Variants in SUCLG2 observed in about 807,000 individuals in gnomAD.
SUCLG2 encodes succinate--CoA ligase [GDP-forming] subunit beta, mitochondrial.
Under a neutral mutation model 47.9 loss-of-function variants are expected in SUCLG2, and 42 were observed. That is an observed-to-expected ratio of 0.88 (90% CI 0.69 to 1.14). SUCLG2 has a LOEUF of 1.14. Ranked by LOEUF, SUCLG2 falls within the 50% of genes most tolerant of loss-of-function variation. The probability of loss-of-function intolerance (pLI) is 0.00; values close to 1 mark genes in which losing one functional copy is unlikely to be tolerated. For missense variants in SUCLG2, 571 were observed against 525.9 expected, an observed-to-expected ratio of 1.09 and a Z score of -0.84; for synonymous variants, 195 against 197.3, an observed-to-expected ratio of 0.99 and a Z score of 0.10.
At chr3:67,524,277 G>C (rs1400692650) in intron 4 of SUCLG2, among the ~76,000 whole-genome samples, 1 of 152,194 alleles carries the variant, frequency 6.6e-6, no homozygotes, top group Non-Finnish European at 1.5e-5. Context: ...GAGTCCACCA[G>C]TATAGAAAGC....
chr3:67,615,670 T>A (rs527483544), intron 1 of SUCLG2, among the ~76,000 whole-genome samples: 25 of 146,254 alleles, frequency 1.7e-4, no homozygotes, highest in Non-Finnish European at 3.4e-4. Context: ...ATGCTATTGT[T>A]GTTGAAGGTC....
intron 2 of SUCLG2, 25 bp downstream of exon 2, chr3:67,609,430 T>C: frequency 1.2e-6 from 2 of 1,604,642 alleles, no homozygotes; most frequent in Non-Finnish European, 1.7e-6. Context: ...GGCAAGTGTA[T>C]TTCACCCATT....
intron 9 of SUCLG2, among the ~76,000 whole-genome samples, chr3:67,439,171 T>C (rs1266079517): frequency 6.6e-6 from 1 of 152,212 alleles, no homozygotes; most frequent in South Asian, 2.1e-4. Flanking sequence ...GAAAAGACCT[T>C]TGATAAAATT....
intron 10 of SUCLG2, among the ~76,000 whole-genome samples, chr3:67,390,573 G>A (rs1208300297): frequency 2.0e-5 from 3 of 151,974 alleles, no homozygotes; most frequent in Non-Finnish European, 4.4e-5. Flanking sequence ...GAAATGAACA[G>A]CTACATATTT....
chr3:67,505,044 T>A (rs1705598668), intron 7 of SUCLG2, among the ~76,000 whole-genome samples: 1 of 152,222 alleles, frequency 6.6e-6, no homozygotes, highest in African/African-American at 2.4e-5. Context: ...TGTCCCTTCT[T>A]CCATTAAGAA....
intron 9 of SUCLG2, among the ~76,000 whole-genome samples, chr3:67,402,009 G>A (rs913175853): frequency 2.0e-5 from 3 of 152,184 alleles, no homozygotes; most frequent in African/African-American, 7.2e-5. Context: ...GGCGCATTGG[G>A]GCATGTTGTC....
intron 9 of SUCLG2, among the ~76,000 whole-genome samples, chr3:67,432,703 T>C (rs574033159): frequency 1.3e-5 from 2 of 152,300 alleles, no homozygotes; most frequent in South Asian, 4.1e-4. Flanking sequence ...CCTCCAGTTG[T>C]TACCATATGC....
At position 67,451,072 on chromosome 3, in the gene SUCLG2, T is replaced by C. The variant is rs571005073; in HGVS notation, c.1062+44726A>G. ...CTTCCTTCCTATTATTCCCAATTTA[T>C]AGGTGACCAAGTGATAGCAGTGTCT... On this transcript the variant is annotated intron_variant, in intron 9 of 10. Transcript: ENST00000307227. Among the ~76,000 whole-genome samples the C allele has an allele frequency of 3.9e-5, 6 of 152,342 alleles. No individual in the cohort carries two copies. The South Asian group carries it at 1.2e-3, about 32-fold the overall frequency.
intron 9 of SUCLG2, among the ~76,000 whole-genome samples, chr3:67,456,065 T>TTTC (rs60653529): frequency 0.7 from 106,290 of 151,830 alleles, 37,462 homozygotes; most frequent in Admixed American, 0.75. Flanking sequence ...TTAATTCTTC[T>TTTC]TTCATTAGTG....
intron 1 of SUCLG2, among the ~76,000 whole-genome samples, chr3:67,628,092 T>C (rs1390765509): frequency 6.6e-6 from 1 of 152,224 alleles, no homozygotes; most frequent in Non-Finnish European, 1.5e-5. Flanking sequence ...AGTCTCTATC[T>C]TTCTAACTGG....
intron 2 of SUCLG2, among the ~76,000 whole-genome samples, chr3:67,541,224 G>T: frequency 6.6e-6 from 1 of 152,194 alleles, no homozygotes. Flanking sequence ...ATTGACAGAA[G>T]TAGGTTTCAG....
intron 2 of SUCLG2, among the ~76,000 whole-genome samples, chr3:67,591,904 G>A (rs1428302427): frequency 6.6e-6 from 1 of 152,062 alleles, no homozygotes; most frequent in African/African-American, 2.4e-5. Context: ...GTTCTACCTT[G>A]TCTCTCAAGT....
At position 67,366,609 on chromosome 3, in the gene SUCLG2, G is replaced by A. The variant is rs563039075; in HGVS notation, c.1184-5841C>T. On this transcript the variant is annotated intron_variant, in intron 10 of 10. Coordinates refer to the SUCLG2 transcript ENST00000493112. ...TTAAAATGGTGTATTCTGCGACAGT[G>A]GTCCTGAAGAGGTTTGGCTTCCAAG... is the stretch of plus-strand genomic sequence containing the variant. Among the ~76,000 whole-genome samples, 4 of 152,246 alleles carry A rather than the reference G, an allele frequency of 2.6e-5. No homozygotes were observed. The South Asian group carries it at 8.3e-4, about 32-fold the overall frequency.
At chr3:67,442,196 G>C (rs962445776) in intron 9 of SUCLG2, among the ~76,000 whole-genome samples, 2 of 151,266 alleles carry the variant, frequency 1.3e-5, no homozygotes, top group Admixed American at 1.3e-4. Flanking sequence ...ATTTTTAGTA[G>C]AGACGGGGTT....
chr3:67,596,712 A>G (rs1708302135), intron 2 of SUCLG2, among the ~76,000 whole-genome samples: 1 of 152,194 alleles, frequency 6.6e-6, no homozygotes. Flanking sequence ...TAACTGTTAA[A>G]TGAATTAACG....
At chr3:67,431,549 T>C (rs943530317) in intron 9 of SUCLG2, among the ~76,000 whole-genome samples, 1 of 152,164 alleles carries the variant, frequency 6.6e-6, no homozygotes, top group East Asian at 1.9e-4. Flanking sequence ...CATGGAATAC[T>C]ATGCAGCCAT....
intron 10 of SUCLG2, among the ~76,000 whole-genome samples, chr3:67,377,590 C>A (rs1702061679): frequency 6.6e-6 from 1 of 152,178 alleles, no homozygotes; most frequent in African/African-American, 2.4e-5. Context: ...TCCTTGTCTG[C>A]TTTCTGGAGT....
chr3:67,539,960 G>A (rs1456258848), intron 2 of SUCLG2, among the ~76,000 whole-genome samples: 2 of 150,792 alleles, frequency 1.3e-5, no homozygotes, highest in East Asian at 3.9e-4. Context: ...TTTTTTATTA[G>A]TCTGGCTAGC....
intron 2 of SUCLG2, among the ~76,000 whole-genome samples, chr3:67,536,719 G>A (rs1021514900): frequency 3.3e-5 from 5 of 152,288 alleles, no homozygotes; most frequent in Non-Finnish European, 7.3e-5. Flanking sequence ...CCTGAGCCCA[G>A]TACAAATCAA....
Sources: gnomAD v4.1 joint callset for allele counts (sites outside exome capture counted in the v4.1 genomes callset) on GRCh38, gnomAD v4.1.1 for gene constraint, MANE v1.5 for transcripts, NCBI Gene and HGNC (gene_info 2026-07-23, HGNC 2026-07-21) for gene names.